The following ABCC4 variants were observed in gnomAD, a reference collection of about 807,000 sequenced individuals.
The protein encoded by ABCC4 is ATP binding cassette subfamily C member 4 (PEL blood group), also known as ATP-binding cassette sub-family C member 4.
ABCC4 carries 102 observed loss-of-function variants against 168.5 expected under a neutral mutation model. The observed-to-expected ratio is 0.61, with a 90% CI of 0.52 to 0.71. ABCC4 has a LOEUF of 0.71. ABCC4 is among the 30% of genes least tolerant of loss of function. ABCC4 has a pLI of 0.00. For missense variants in ABCC4, 1,402 were observed against 1,605.8 expected (o/e 0.87, Z 2.17); for synonymous variants, 617 against 590.7 (o/e 1.04, Z -0.65).
At chr13:95,291,664 G>A (rs984311601) in intron 1 of ABCC4, among the ~76,000 whole-genome samples, 17 of 152,128 alleles carry the variant, frequency 1.1e-4, no homozygotes, top group South Asian at 2.1e-4. Context: ...CAAGCCCTGC[G>A]GACTGTGAGG....
At chr13:95,089,786 C>T (rs1321976444) in intron 20 of ABCC4, among the ~76,000 whole-genome samples, 2 of 151,636 alleles carry the variant, frequency 1.3e-5, no homozygotes, top group Non-Finnish European at 1.5e-5. Flanking sequence ...GGCAAGAAAA[C>T]ACCAGGGCTT....
chr13:95,225,151 TCTCACA>T (rs1280192447), intron 4 of ABCC4, among the ~76,000 whole-genome samples: 2 of 30,596 alleles, frequency 6.5e-5, no homozygotes, highest in African/African-American at 1.9e-4. Context: ...TCTCTCTCTC[TCTCACA>T]CACACACACA....
At chr13:95,083,427 G>T in intron 20 of ABCC4, 137 bp from the exon 21 acceptor site, 1 of 1,017,964 alleles carries the variant, frequency 9.8e-7, no homozygotes, top group Non-Finnish European at 1.4e-6. Flanking sequence ...TCCATACAAA[G>T]GAATAACAAA....
chr13:95,224,916 TA>T (rs1176198594), intron 4 of ABCC4, among the ~76,000 whole-genome samples: 1 of 152,074 alleles, frequency 6.6e-6, no homozygotes, highest in East Asian at 1.9e-4. Flanking sequence ...ACTGAATAAT[TA>T]AAGCATAAAT....
intron 4 of ABCC4, among the ~76,000 whole-genome samples, chr13:95,214,797 A>T (rs1197492527): frequency 6.6e-6 from 1 of 151,608 alleles, no homozygotes; most frequent in East Asian, 1.9e-4. Flanking sequence ...CAGGCAGGAA[A>T]ATCACTTGAA....
chr13:95,166,943 T>G (rs537371797), intron 14 of ABCC4, among the ~76,000 whole-genome samples: 1 of 152,178 alleles, frequency 6.6e-6, no homozygotes, highest in South Asian at 2.1e-4. Context: ...TCCCAGCACT[T>G]TGGAAGACCA....
chr13:95,103,232 T>C lies in ABCC4; in HGVS notation c.2535+12690A>G, dbSNP rs527509293. On this transcript the variant is annotated intron_variant, in intron 20 of 30. Transcript: ENST00000645237. Reference sequence around the variant, plus strand: ...GTGAGCTGAGATCACGCCACTGCACTCCAGCCTGGGCGACAGAGCGAGACT... The same window carrying C: ...GTGAGCTGAGATCACGCCACTGCACCCCAGCCTGGGCGACAGAGCGAGACT... Among the ~76,000 whole-genome samples the C allele has an allele frequency of 2.0e-5, 3 of 152,136 alleles. No individual in the cohort carries two copies. In the East Asian group the frequency reaches 5.9e-4, roughly 30 times the overall value.
At chr13:95,149,146 C>T (rs1262944177) in intron 19 of ABCC4, among the ~76,000 whole-genome samples, 1 of 152,130 alleles carries the variant, frequency 6.6e-6, no homozygotes, top group African/African-American at 2.4e-5. Context: ...CCTTTTATTA[C>T]CCCGGCTATT....
rs1252838497 is a variant in ABCC4, at chr13:95,101,632, C to T, written c.2535+14290G>A. ...ACTCAGACTCTACACTCAATGTTATCAAGGGCCAAGGAAGTTTCAGCAATA... is the reference window on the plus strand; with the variant it reads ...ACTCAGACTCTACACTCAATGTTATTAAGGGCCAAGGAAGTTTCAGCAATA... On this transcript the variant is annotated intron_variant, in intron 20 of 30. Coordinates refer to ENST00000645237, the MANE Select transcript of ABCC4 (RefSeq NM_005845.5). 2.6e-5 allele frequency among the ~76,000 whole-genome samples: 4 copies of T among 152,084 alleles called. No homozygotes were observed. The East Asian group carries it at 7.7e-4, about 29-fold the overall frequency.
intron 20 of ABCC4, among the ~76,000 whole-genome samples, chr13:95,087,439 G>GATC (rs1258791666): frequency 6.6e-6 from 1 of 152,030 alleles, no homozygotes; most frequent in Non-Finnish European, 1.5e-5. Flanking sequence ...AGTGAGCCGA[G>GATC]ATCATGCCAC....
intron 8 of ABCC4, among the ~76,000 whole-genome samples, chr13:95,203,608 T>G (rs1300073167): frequency 1.3e-5 from 2 of 152,092 alleles, no homozygotes; most frequent in African/African-American, 4.8e-5. Flanking sequence ...TCCGCTCACC[T>G]CGGCCTCCCA....
intron 1 of ABCC4, among the ~76,000 whole-genome samples, chr13:95,267,472 T>C (rs1472355327): frequency 6.6e-6 from 1 of 152,172 alleles, no homozygotes; most frequent in Non-Finnish European, 1.5e-5. Context: ...GTCTCAGGTA[T>C]GTCTTTATCA....
intron 19 of ABCC4, among the ~76,000 whole-genome samples, chr13:95,117,504 G>T (rs879356298): frequency 1.1e-4 from 15 of 142,530 alleles, no homozygotes; most frequent in Non-Finnish European, 2.0e-4. Context: ...AGGGCAAGAG[G>T]TCAGGCTATT....
chr13:95,053,419 T>C (rs1877536883), intron 26 of ABCC4, among the ~76,000 whole-genome samples: 1 of 152,214 alleles, frequency 6.6e-6, no homozygotes, highest in East Asian at 1.9e-4. Flanking sequence ...ATGTGCTATC[T>C]TAAGAAGAAA....
At chr13:95,066,290 G>A (rs1328916946) in intron 25 of ABCC4, among the ~76,000 whole-genome samples, 1 of 152,170 alleles carries the variant, frequency 6.6e-6, no homozygotes, top group Non-Finnish European at 1.5e-5. Flanking sequence ...CCCCTCGTGT[G>A]GATTTCTCCC....
chr13:95,063,375 C>T (rs1348665460), intron 25 of ABCC4, among the ~76,000 whole-genome samples: 15 of 152,166 alleles, frequency 9.9e-5, no homozygotes, highest in Middle Eastern at 3.4e-3. Flanking sequence ...GTGACATAAA[C>T]GAGTATTCAT....
chr13:95,031,416 G>A (rs540938364), intron 30 of ABCC4, among the ~76,000 whole-genome samples: 1 of 152,268 alleles, frequency 6.6e-6, no homozygotes, highest in East Asian at 1.9e-4. Context: ...GAAGACATCG[G>A]CCTCCCCCAG....
At chr13:95,271,746 A>C (rs2138882715) in intron 1 of ABCC4, among the ~76,000 whole-genome samples, 1 of 152,264 alleles carries the variant, frequency 6.6e-6, no homozygotes, top group Non-Finnish European at 1.5e-5. Context: ...TCCTAACAGA[A>C]ACAGAGCACG....
At chr13:95,300,030 C>CGGGGTTTCA (rs1555343251) in intron 1 of ABCC4, among the ~76,000 whole-genome samples, 1 of 152,162 alleles carries the variant, frequency 6.6e-6, no homozygotes, top group Non-Finnish European at 1.5e-5. Flanking sequence ...TTAGTAGAGA[C>CGGGGTTTCA]GGGGTTTCAC....
Sources: allele counts gnomAD v4.1 joint callset (sites outside exome capture counted in the v4.1 genomes callset), GRCh38; gene constraint gnomAD v4.1.1; transcripts MANE v1.5; gene names NCBI Gene and HGNC (gene_info 2026-07-23, HGNC 2026-07-21).